The following TP63 variants were observed in gnomAD, a reference collection of about 807,000 sequenced individuals.
TP63 encodes the protein tumor protein p63.
In TP63, 17 loss-of-function variants were observed where a neutral mutation model predicts 82.8. The ratio of observed to expected loss-of-function variants is 0.21; its 90% confidence interval spans 0.14 to 0.31. The LOEUF (loss-of-function observed/expected upper bound fraction) is 0.31. TP63 is among the 10% of genes least tolerant of loss of function. TP63 has a pLI of 1.00. For missense variants in TP63, 648 were observed against 895.3 expected, an observed-to-expected ratio of 0.72 and a Z score of 3.52; for synonymous variants, 330 against 321.7, an observed-to-expected ratio of 1.03 and a Z score of -0.28.
the TP63 span, among the ~76,000 whole-genome samples, chr3:189,601,082 G>C: frequency 6.6e-6 from 1 of 152,122 alleles, no homozygotes; most frequent in Non-Finnish European, 1.5e-5. Context: ...TTTCTAGAAA[G>C]TCATTGCTTA....
chr3:189,763,413 G>A (rs1298218382), intron 3 of TP63, among the ~76,000 whole-genome samples: 3 of 152,164 alleles, frequency 2.0e-5, no homozygotes, highest in South Asian at 2.1e-4. Context: ...ATTCAGTTAC[G>A]TTTGATGCTT....
chr3:189,844,013 A>G (rs979095418), intron 4 of TP63, among the ~76,000 whole-genome samples: 1 of 152,146 alleles, frequency 6.6e-6, no homozygotes, highest in Non-Finnish European at 1.5e-5. Flanking sequence ...CTGACTTCTC[A>G]AGAGAATGCC....
upstream of TP63, among the ~76,000 whole-genome samples, chr3:189,630,304 T>C (rs891786923): frequency 1.3e-5 from 2 of 152,076 alleles, no homozygotes; most frequent in Non-Finnish European, 2.9e-5. Flanking sequence ...TGGTTTTTTT[T>C]CCCCCTGTTG....
chr3:189,615,434 G>A, the TP63 span, among the ~76,000 whole-genome samples: 5 of 152,062 alleles, frequency 3.3e-5, no homozygotes, highest in African/African-American at 7.2e-5. Flanking sequence ...ATTTATAATT[G>A]CTGCTTCTTT....
chr3:189,739,864 G>A (rs1201701799), intron 3 of TP63, among the ~76,000 whole-genome samples: 1 of 151,512 alleles, frequency 6.6e-6, no homozygotes, highest in Non-Finnish European at 1.5e-5. Flanking sequence ...GAAAACTAGT[G>A]GGGGGAAGCT....
the TP63 span, among the ~76,000 whole-genome samples, chr3:189,601,791 C>T: frequency 6.6e-6 from 1 of 152,142 alleles, no homozygotes; most frequent in African/African-American, 2.4e-5. Flanking sequence ...CAGCTCTCTC[C>T]TGAGGAAGCA....
chr3:189,761,744 T>C (rs1363046264), intron 3 of TP63, among the ~76,000 whole-genome samples: 1 of 152,156 alleles, frequency 6.6e-6, no homozygotes. Context: ...ACTACTGATA[T>C]AGACATATCC....
chr3:189,776,448 G>A (rs1416677867), intron 3 of TP63, among the ~76,000 whole-genome samples: 1 of 152,134 alleles, frequency 6.6e-6, no homozygotes, highest in Non-Finnish European at 1.5e-5. Context: ...AATGAAAAAA[G>A]GATTTAGGAG....
intron 3 of TP63, chr3:189,789,970 C>T (rs761749306): frequency 2.4e-6 from 2 of 837,614 alleles, no homozygotes; most frequent in Admixed American, 4.3e-5. Flanking sequence ...ATAGGAATCT[C>T]CTTTTCTTGG....
chr3:189,819,723 C>G (rs1198404163), intron 4 of TP63, among the ~76,000 whole-genome samples: 1 of 148,598 alleles, frequency 6.7e-6, no homozygotes, highest in Non-Finnish European at 1.5e-5. Flanking sequence ...TCACAGTACT[C>G]ACTGGTAATG....
chr3:189,832,056 G>A (rs1333707156), intron 4 of TP63, among the ~76,000 whole-genome samples: 2 of 151,692 alleles, frequency 1.3e-5, no homozygotes, highest in Non-Finnish European at 2.9e-5. Context: ...GGTCTTGAAC[G>A]CCTGACCTCA....
At chr3:189,650,040 A>ACAT (rs1712760538) in intron 1 of TP63, among the ~76,000 whole-genome samples, 1 of 147,008 alleles carries the variant, frequency 6.8e-6, no homozygotes, top group Non-Finnish European at 1.5e-5. Context: ...TAAGGTGGGG[A>ACAT]AGCATGGTAG....
rs367745227 is a variant in TP63 at position 189,873,008 on chromosome 3, A to G, written c.1349+13A>G. 3.5e-5 allele frequency: 56 copies of G among 1,613,980 alleles called. No individual in the cohort carries two copies. Among genetic ancestry groups the G allele is most frequent in the Non-Finnish European group, 4.7e-5 (55 of 1,179,990 alleles). On this transcript the variant is annotated intron_variant, in intron 10 of 13. Transcript: ENST00000264731. ...TACTTCAGAAACAGTGAGTGTATCA[A>G]CGTGTCATTTTAGGAGGCATGAGTG... is the stretch of plus-strand genomic sequence containing the variant.
In TP63 at chr3:189,896,689, A is replaced by G. The variant is rs1467637102; in HGVS notation, c.*2187A>G. The G allele has an allele frequency of 2.4e-5, 5 of 204,674 alleles. No homozygotes were observed. Among genetic ancestry groups the G allele is most frequent in the African/African-American group, 4.6e-5 (2 of 43,760 alleles). 12.7% of individuals were successfully genotyped at this position (204,674 alleles called of 1,614,324 possible). On this transcript the variant is annotated 3_prime_UTR_variant, in exon 14 of 14. Coordinates refer to ENST00000264731, the MANE Select transcript of TP63 (RefSeq NM_003722.5). ...CGAGCTATGTCAGTACTATTCAGGT[A>G]ACACTAGGGCCTTGGAAATTCCTGT...
chr3:189,885,836 T>C (rs2108853015), intron 10 of TP63, among the ~76,000 whole-genome samples: 1 of 152,338 alleles, frequency 6.6e-6, no homozygotes, highest in East Asian at 1.9e-4. Context: ...ACATCTCTAT[T>C]GAAAATGCAT....
At chr3:189,887,874 TA>T (rs1454007371) in intron 11 of TP63, among the ~76,000 whole-genome samples, 2 of 151,250 alleles carry the variant, frequency 1.3e-5, no homozygotes, top group Non-Finnish European at 2.9e-5. Context: ...TTTTTTTTTT[TA>T]GACAGAGTTT....
intron 1 of TP63, among the ~76,000 whole-genome samples, chr3:189,678,460 G>A (rs1037431633): frequency 6.6e-6 from 1 of 151,928 alleles, no homozygotes; most frequent in Admixed American, 6.6e-5. Flanking sequence ...TTTTATACCA[G>A]TACCATGCTG....
At position 189,738,656 on chromosome 3, in the gene TP63, T is replaced by G. The variant is rs1380696676; in HGVS notation, c.206T>G (p.Val69Gly). Residue 69 changes from valine to glycine, a missense_variant, in exon 3 of 14, where the codon GTT (valine) becomes GGT (glycine). Around this residue, in one of 5 missense-constraint regions of TP63, gnomAD observed 182 missense variants for 213.6 expected, o/e 0.85. Coordinates refer to ENST00000264731, the MANE Select transcript of TP63 (RefSeq NM_003722.5). ...CTATGTGTTAGGCCTATATGTTCAG[T>G]TCAGCCCATTGACTTGAACTTTGTG... ...WDFLEQPICSVQPIDLNFVDE... is the reference protein window; with the variant it reads ...WDFLEQPICSGQPIDLNFVDE... 1 of 1,614,188 alleles carries G rather than the reference T, an allele frequency of 6.2e-7. No individual in the cohort carries two copies. The highest frequency in any genetic ancestry group is 1.1e-5 in the South Asian group (1 of 91,084).
At chr3:189,819,747 CTTTTTTTTT>C (rs367763002) in intron 4 of TP63, among the ~76,000 whole-genome samples, 1 of 89,858 alleles carries the variant, frequency 1.1e-5, no homozygotes, top group Non-Finnish European at 2.1e-5. Context: ...TATATTTTAC[CTTTTTTTTT>C]TTTTTTTTTT....
Sources: allele counts gnomAD v4.1 joint callset (sites outside exome capture counted in the v4.1 genomes callset), GRCh38; gene constraint gnomAD v4.1.1; regional missense constraint gnomAD v4.1.1; transcripts MANE v1.5; gene names NCBI Gene and HGNC (gene_info 2026-07-23, HGNC 2026-07-21).